Variants in GNA13 observed in about 807,000 individuals in gnomAD.
GNA13 encodes G protein subunit alpha 13, also known as guanine nucleotide-binding protein subunit alpha-13.
In GNA13, 4 loss-of-function variants were observed where a neutral mutation model predicts 33.5. That is an observed-to-expected ratio of 0.12 (90% confidence interval 0.06 to 0.27). The LOEUF is 0.27. GNA13 is among the 10% of genes least tolerant of loss of function. The pLI is 1.00. For missense variants in GNA13, 319 were observed against 487.2 expected (o/e 0.65, Z 3.25); for synonymous variants, 176 against 183.8 (o/e 0.96, Z 0.34).
intron 2 of GNA13, among the ~76,000 whole-genome samples, chr17:65,034,012 C>CAAAA (rs780895691): frequency 0.23 from 11,539 of 49,944 alleles, 3,798 homozygotes; most frequent in Middle Eastern, 0.3. Context: ...GACTCCGTCT[C>CAAAA]AAAAAAAAAA....
At chr17:65,048,057 G>GCT in intron 2 of GNA13, among the ~76,000 whole-genome samples, 1 of 152,050 alleles carries the variant, frequency 6.6e-6, no homozygotes, top group Admixed American at 6.6e-5. Flanking sequence ...AAAACACTTT[G>GCT]GTTTCAGGAA....
chr17:65,016,916 C>A (rs1439936087), intron 3 of GNA13, among the ~76,000 whole-genome samples: 1 of 152,182 alleles, frequency 6.6e-6, no homozygotes, highest in Non-Finnish European at 1.5e-5. Context: ...AGAAAATACA[C>A]CAAATGCATT....
intron 3 of GNA13, among the ~76,000 whole-genome samples, chr17:65,017,693 T>C: frequency 6.6e-6 from 1 of 152,152 alleles, no homozygotes; most frequent in East Asian, 1.9e-4. Flanking sequence ...TCGTGGAGTC[T>C]CTTCAGCCTT....
intron 2 of GNA13, among the ~76,000 whole-genome samples, chr17:65,020,257 G>A (rs756138892): frequency 1.4e-4 from 22 of 152,112 alleles, no homozygotes; most frequent in Non-Finnish European, 3.1e-4. Context: ...TAATATTAAT[G>A]TTAAGGAACA....
intron 2 of GNA13, among the ~76,000 whole-genome samples, chr17:65,029,473 C>T (rs1468261072): frequency 6.6e-6 from 1 of 152,210 alleles, no homozygotes; most frequent in Non-Finnish European, 1.5e-5. Flanking sequence ...GCCTAAGGGT[C>T]AGGGAAGTTA....
Position 65,056,301 on chromosome 17 carries a change from G to C in GNA13, c.283+10C>G, listed in dbSNP as rs748813342. On this transcript the variant is annotated intron_variant, in intron 1 of 3. Transcript: ENST00000439174. ...CCCTTAACCCCCGGCCCCCATTCCC[G>C]GCCCGGCACCTTTGATCACGTTGCT... is the stretch of plus-strand genomic sequence containing the variant. 2.9e-4 allele frequency: 320 copies of C among 1,109,770 alleles called. No homozygotes were observed. Among genetic ancestry groups the C allele is most frequent in the South Asian group, 1.4e-3 (78 of 54,684 alleles). 68.7% of individuals were successfully genotyped at this position (1,109,770 alleles called of 1,614,324 possible).
intron 2 of GNA13, 148 bp downstream of exon 2, chr17:65,053,354 T>C: frequency 1.6e-6 from 1 of 623,610 alleles, no homozygotes; most frequent in African/African-American, 1.8e-5. Context: ...ACACATTAGG[T>C]CTGTGCCTTA....
intron 2 of GNA13, 105 bp downstream of exon 2, chr17:65,053,397 T>C (rs1459280702): frequency 1.6e-5 from 12 of 729,608 alleles, no homozygotes; most frequent in Non-Finnish European, 2.9e-5. Flanking sequence ...CTCAAATACT[T>C]TTAGATTTGG....
rs781586108 is a variant in GNA13, at chr17:65,056,645, C to T, written c.-52G>A. 1.0e-5 allele frequency: 15 copies of T among 1,482,080 alleles called. No homozygotes were observed. Among genetic ancestry groups the T allele is most frequent in the Non-Finnish European group, 1.4e-5 (15 of 1,108,278 alleles). 91.8% of individuals were successfully genotyped at this position (1,482,080 alleles called of 1,614,324 possible). On this transcript the variant is annotated 5_prime_UTR_variant, in exon 1 of 4. Transcript: ENST00000439174. ...GGGCCCCTCCGGCTCCCTCCACCTC[C>T]TCCTCCGGCGGCGGGCGGCTCCGGC...
At chr17:65,045,750 A>G (rs545815515) in intron 2 of GNA13, among the ~76,000 whole-genome samples, 2 of 152,234 alleles carry the variant, frequency 1.3e-5, no homozygotes, top group Admixed American at 6.5e-5. Flanking sequence ...AGGAAAGTTC[A>G]GGATATAAAA....
chr17:65,043,075 A>G (rs558061638), intron 2 of GNA13, among the ~76,000 whole-genome samples: 3 of 152,172 alleles, frequency 2.0e-5, no homozygotes, highest in East Asian at 3.9e-4. Context: ...GATCATTCTC[A>G]TTTTACAGTT....
chr17:65,049,448 G>A (rs557484046), intron 2 of GNA13, among the ~76,000 whole-genome samples: 5 of 152,246 alleles, frequency 3.3e-5, no homozygotes, highest in South Asian at 4.2e-4. Flanking sequence ...TCTGAAAAAC[G>A]AGGAAATAAA....
intron 2 of GNA13, among the ~76,000 whole-genome samples, chr17:65,044,287 C>G (rs1262088559): frequency 6.6e-6 from 1 of 152,196 alleles, no homozygotes; most frequent in Non-Finnish European, 1.5e-5. Flanking sequence ...TTTCTTGATT[C>G]ATATCAGCTC....
chr17:65,026,882 G>A (rs887492084), intron 2 of GNA13, among the ~76,000 whole-genome samples: 1 of 152,150 alleles, frequency 6.6e-6, no homozygotes, highest in Non-Finnish European at 1.5e-5. Context: ...AGGTTCAAGC[G>A]ATTCTTCTGC....
At chr17:65,052,494 T>TA (rs1278667311) in intron 2 of GNA13, among the ~76,000 whole-genome samples, 4 of 152,216 alleles carry the variant, frequency 2.6e-5, no homozygotes, top group Non-Finnish European at 5.9e-5. Flanking sequence ...TTAATCATAT[T>TA]AGAGTAAAAC....
chr17:65,036,305 C>T (rs577872244), intron 2 of GNA13, among the ~76,000 whole-genome samples: 2 of 152,204 alleles, frequency 1.3e-5, no homozygotes, highest in African/African-American at 4.8e-5. Flanking sequence ...TTCCAAGTCC[C>T]GATTTGGTCA....
chr17:65,043,609 G>A (rs1907542309), intron 2 of GNA13, among the ~76,000 whole-genome samples: 1 of 151,998 alleles, frequency 6.6e-6, no homozygotes, highest in Non-Finnish European at 1.5e-5. Flanking sequence ...ATTTTAATTT[G>A]TATGGAAGAT....
intron 2 of GNA13, among the ~76,000 whole-genome samples, chr17:65,036,523 T>C (rs760806988): frequency 2.0e-5 from 3 of 152,148 alleles, no homozygotes; most frequent in African/African-American, 7.2e-5. Flanking sequence ...CTGGCCAACA[T>C]GGCAAAACCC....
chr17:65,047,016 GCA>G (rs1246525352), intron 2 of GNA13, among the ~76,000 whole-genome samples: 2 of 151,942 alleles, frequency 1.3e-5, no homozygotes, highest in Non-Finnish European at 2.9e-5. Context: ...ATGTGTGCAT[GCA>G]CACACACTTC....
Sources: allele counts gnomAD v4.1 joint callset (sites outside exome capture counted in the v4.1 genomes callset), GRCh38; gene constraint gnomAD v4.1.1; transcripts MANE v1.5; gene names NCBI Gene and HGNC (gene_info 2026-07-23, HGNC 2026-07-21).